CDH13: variants seen among roughly 807,000 people sequenced by gnomAD.
CDH13 encodes the protein cadherin-13.
A neutral mutation model predicts 63.8 loss-of-function variants in CDH13; 24 were observed. The observed-to-expected ratio is 0.38, with a 90% CI of 0.27 to 0.53. The LOEUF (loss-of-function observed/expected upper bound fraction) is 0.53, where lower values mean the gene tolerates loss of function less well. CDH13 is among the 20% of genes least tolerant of loss of function. The pLI, the probability that CDH13 is intolerant of heterozygous loss-of-function variation, is 0.85. For missense variants in CDH13, 1,049 were observed against 903.1 expected, an observed-to-expected ratio of 1.16 and a Z score of -2.07; for synonymous variants, 503 against 355.3, an observed-to-expected ratio of 1.42 and a Z score of -4.67.
chr16:83,455,335 G>T (rs1030267672), intron 6 of CDH13, among the ~76,000 whole-genome samples: 15 of 152,204 alleles, frequency 9.9e-5, no homozygotes, highest in African/African-American at 3.6e-4. Context: ...ACCAATGACA[G>T]CTGTTTCTGA....
intron 3 of CDH13, among the ~76,000 whole-genome samples, chr16:83,032,967 G>C (rs1597185252): frequency 6.6e-6 from 1 of 152,114 alleles, no homozygotes; most frequent in Non-Finnish European, 1.5e-5. Flanking sequence ...ATGTGTATGT[G>C]TACATATGTG....
chr16:82,681,637 C>G (rs11863212), intron 1 of CDH13, among the ~76,000 whole-genome samples: 2 of 152,206 alleles, frequency 1.3e-5, no homozygotes, highest in Non-Finnish European at 2.9e-5. Flanking sequence ...GTAGCGGATG[C>G]TCCTGGTGCC....
intron 5 of CDH13, among the ~76,000 whole-genome samples, chr16:83,265,068 A>G (rs1466264121): frequency 6.6e-6 from 1 of 152,198 alleles, no homozygotes; most frequent in Non-Finnish European, 1.5e-5. Context: ...TCCTATGCCA[A>G]ACATTCCAAC....
At chr16:83,373,185 A>G (rs895239227) in intron 6 of CDH13, among the ~76,000 whole-genome samples, 2 of 152,210 alleles carry the variant, frequency 1.3e-5, no homozygotes, top group African/African-American at 2.4e-5. Flanking sequence ...CAGCATCCCA[A>G]TAGGAAGCAG....
intron 2 of CDH13, among the ~76,000 whole-genome samples, chr16:83,019,269 A>C (rs1414164871): frequency 6.6e-6 from 1 of 151,554 alleles, no homozygotes; most frequent in African/African-American, 2.4e-5. Flanking sequence ...TTTCTTTTTC[A>C]CTTGTTGAAC....
At chr16:83,056,800 G>A (rs2030993741) in intron 3 of CDH13, among the ~76,000 whole-genome samples, 2 of 151,846 alleles carry the variant, frequency 1.3e-5, no homozygotes, top group Admixed American at 1.3e-4. Flanking sequence ...TAGTGAATAA[G>A]TCTCACGAGA....
At chr16:83,557,177 G>A (rs144710171) in intron 7 of CDH13, among the ~76,000 whole-genome samples, 32 of 152,242 alleles carry the variant, frequency 2.1e-4, no homozygotes, top group African/African-American at 7.5e-4. Context: ...TAGGTTGTAC[G>A]CTAGTTATGA....
rs1912138654 is a variant in CDH13, at chr16:83,742,271, T to TA, written c.1539-5835dup. On this transcript the variant is annotated intron_variant, in intron 10 of 13. Transcript: ENST00000567109. ...CCTTCCAGGGTGGCGCAGGCCCCAG[T>TA]AACCCCCACTGCGCTGCCTGCGACT... is the stretch of plus-strand genomic sequence containing the variant. Among the ~76,000 whole-genome samples the TA allele has an allele frequency of 1.3e-5, 2 of 152,296 alleles. 1 individual carries two copies. Among genetic ancestry groups the TA allele is most frequent in the African/African-American group, 4.8e-5 (2 of 41,568 alleles).
intron 3 of CDH13, among the ~76,000 whole-genome samples, chr16:83,046,098 G>A (rs1917758795): frequency 2.0e-5 from 3 of 152,132 alleles, no homozygotes; most frequent in East Asian, 1.9e-4. Context: ...TAGTCTCAAG[G>A]CCTAATCTCA....
intron 11 of CDH13, among the ~76,000 whole-genome samples, chr16:83,766,135 C>T (rs1047349705): frequency 6.6e-6 from 1 of 152,162 alleles, no homozygotes; most frequent in Admixed American, 6.5e-5. Context: ...TCTCTATGTC[C>T]CTGGTATGGG....
intron 2 of CDH13, among the ~76,000 whole-genome samples, chr16:82,963,994 C>T (rs536227559): frequency 2.8e-4 from 43 of 152,340 alleles, no homozygotes; most frequent in African/African-American, 1.0e-3. Flanking sequence ...ACACAGGGAA[C>T]ACCAGTGCCC....
chr16:83,546,554 A>C (rs2075389905), intron 7 of CDH13, among the ~76,000 whole-genome samples: 1 of 151,990 alleles, frequency 6.6e-6, no homozygotes, highest in South Asian at 2.1e-4. Flanking sequence ...GTGCCAGATA[A>C]CATCTTGGGA....
intron 1 of CDH13, among the ~76,000 whole-genome samples, chr16:82,751,311 AT>A (rs964602198): frequency 1.5e-4 from 23 of 151,796 alleles, no homozygotes; most frequent in African/African-American, 4.4e-4. Flanking sequence ...TTCTTAATAG[AT>A]TTTTTTTTGT....
At chr16:82,966,441 C>G (rs1035690558) in intron 2 of CDH13, among the ~76,000 whole-genome samples, 49 of 152,210 alleles carry the variant, frequency 3.2e-4, no homozygotes, top group Non-Finnish European at 4.4e-5. Context: ...GCCAGCGCGC[C>G]TGGCCTATTT....
chr16:83,790,851 A>C (rs900783283), intron 13 of CDH13, among the ~76,000 whole-genome samples: 2 of 152,244 alleles, frequency 1.3e-5, no homozygotes, highest in African/African-American at 4.8e-5. Flanking sequence ...GCAAGTCTCA[A>C]AAAAAGAACT....
At chr16:83,241,609 C>T (rs1477935317) in intron 5 of CDH13, among the ~76,000 whole-genome samples, 1 of 152,128 alleles carries the variant, frequency 6.6e-6, no homozygotes, top group Non-Finnish European at 1.5e-5. Context: ...TTCATATGCT[C>T]ATTAGCCATT....
chr16:83,137,302 T>C (rs921405799), intron 4 of CDH13, among the ~76,000 whole-genome samples: 2 of 152,076 alleles, frequency 1.3e-5, no homozygotes, highest in African/African-American at 4.8e-5. Flanking sequence ...CACAGAAAAA[T>C]CCAAGTCACT....
chr16:83,484,653 C>T (rs1489731003), intron 6 of CDH13, among the ~76,000 whole-genome samples: 2 of 152,284 alleles, frequency 1.3e-5, no homozygotes, highest in East Asian at 1.9e-4. Context: ...ATGCCAAATC[C>T]CAATCCCCTC....
chr16:82,666,220 T>C (rs774942874), intron 1 of CDH13, among the ~76,000 whole-genome samples: 1 of 152,216 alleles, frequency 6.6e-6, no homozygotes, highest in Non-Finnish European at 1.5e-5. Context: ...TATTCATCTT[T>C]CCAAGCTCCT....
Sources: gnomAD v4.1 joint callset for allele counts (sites outside exome capture counted in the v4.1 genomes callset) on GRCh38, gnomAD v4.1.1 for gene constraint, MANE v1.5 for transcripts, NCBI Gene and HGNC (gene_info 2026-07-23, HGNC 2026-07-21) for gene names.